Variants in GIPC2 observed in about 807,000 individuals in gnomAD.
The protein encoded by GIPC2 is PDZ domain-containing protein GIPC2.
Under a neutral mutation model 30.6 loss-of-function variants are expected in GIPC2, and 30 were observed. The observed-to-expected ratio is 0.98, with a 90% confidence interval of 0.73 to 1.33. The LOEUF is 1.33. GIPC2 is among the 40% of genes most tolerant of loss of function. GIPC2 has a pLI of 0.00. For synonymous variants in GIPC2, 167 were observed against 150.0 expected (o/e 1.11, Z -0.83); for missense variants, 414 against 390.3 (o/e 1.06, Z -0.51).
intron 3 of GIPC2, among the ~76,000 whole-genome samples, chr1:78,103,723 G>A (rs550061611): frequency 1.3e-5 from 2 of 152,212 alleles, no homozygotes; most frequent in Non-Finnish European, 2.9e-5. Flanking sequence ...AAAGAGTGAA[G>A]TTTATCTGAG....
intron 3 of GIPC2, among the ~76,000 whole-genome samples, chr1:78,115,159 GA>G (rs1388775672): frequency 1.3e-5 from 2 of 151,822 alleles, no homozygotes; most frequent in Admixed American, 6.6e-5. Flanking sequence ...GTAAGTCCCA[GA>G]AACCTTTTTA....
rs912153469 is a variant in GIPC2, at chr1:78,088,564, C to T, written c.427-6388C>T. ...GAGCTAAATGATGAGAACTTATGAA[C>T]ACAAAGGAGGAAACAACAGACACTG... On this transcript the variant is annotated intron_variant, in intron 2 of 5. Coordinates refer to ENST00000370759, the MANE Select transcript of GIPC2 (RefSeq NM_017655.6). 5.3e-5 allele frequency among the ~76,000 whole-genome samples: 8 copies of T among 152,210 alleles called. No individual in the cohort carries two copies. The South Asian group carries it at 6.2e-4, about 12-fold the overall frequency.
At chr1:78,130,896 G>T in intron 5 of GIPC2, among the ~76,000 whole-genome samples, 1 of 152,142 alleles carries the variant, frequency 6.6e-6, no homozygotes, top group East Asian at 1.9e-4. Flanking sequence ...ACCAAAACAA[G>T]TTTGTCATTA....
intron 1 of GIPC2, among the ~76,000 whole-genome samples, chr1:78,068,413 C>G (rs1661560304): frequency 6.6e-6 from 1 of 152,226 alleles, no homozygotes; most frequent in South Asian, 2.1e-4. Flanking sequence ...AGAACTCTAC[C>G]ACTGCCTTTC....
chr1:78,114,809 G>C (rs2100418755), intron 3 of GIPC2, among the ~76,000 whole-genome samples: 1 of 152,288 alleles, frequency 6.6e-6, no homozygotes, highest in East Asian at 1.9e-4. Flanking sequence ...GGGTGATTAT[G>C]ATGTGTCAAT....
intron 3 of GIPC2, among the ~76,000 whole-genome samples, chr1:78,113,660 A>C: frequency 6.6e-6 from 1 of 152,176 alleles, no homozygotes; most frequent in East Asian, 1.9e-4. Flanking sequence ...AAACGCTGGG[A>C]TTAGAGGCGT....
chr1:78,134,803 G>T (rs1662970219), intron 5 of GIPC2, among the ~76,000 whole-genome samples: 1 of 152,114 alleles, frequency 6.6e-6, no homozygotes, highest in Non-Finnish European at 1.5e-5. Flanking sequence ...TCACATGGAG[G>T]TTTTTCACCC....
chr1:78,114,636 A>AT (rs1285159314), intron 3 of GIPC2, among the ~76,000 whole-genome samples: 8 of 151,742 alleles, frequency 5.3e-5, no homozygotes, highest in Admixed American at 1.3e-4. Context: ...ATACATAATG[A>AT]TAAAAAAAAA....
At chr1:78,054,838 T>C (rs957953640) in intron 1 of GIPC2, among the ~76,000 whole-genome samples, 4 of 152,080 alleles carry the variant, frequency 2.6e-5, no homozygotes, top group Non-Finnish European at 4.4e-5. Flanking sequence ...GAAGAAGATA[T>C]CTGAACAACC....
chr1:78,091,615 G>A, intron 2 of GIPC2: 1 of 768,138 alleles, frequency 1.3e-6, no homozygotes, highest in Non-Finnish European at 2.4e-6. Context: ...CGTTCGTCGT[G>A]TCTGCCATCC....
In GIPC2 at chr1:78,136,578, A is replaced by T. The variant is rs1455646928; in HGVS notation, c.*835A>T. 1.5e-5 allele frequency: 2 copies of T among 132,000 alleles called. No homozygotes were observed. Among genetic ancestry groups the T allele is most frequent in the Non-Finnish European group, 3.3e-5 (2 of 61,372 alleles). 8.2% of individuals were successfully genotyped at this position (132,000 alleles called of 1,614,324 possible). A position where few individuals can be genotyped will look rare whatever the true frequency, so the allele number is the denominator to read the frequency against. On this transcript the variant is annotated 3_prime_UTR_variant, in exon 6 of 6. Coordinates refer to ENST00000370759, the MANE Select transcript of GIPC2 (RefSeq NM_017655.6). ...ATTTTTTTGTAGAGTTTTTGGAAAGATATTTACTCAAAATAACTATGCTTT... is the reference window on the plus strand; with the variant it reads ...ATTTTTTTGTAGAGTTTTTGGAAAGTTATTTACTCAAAATAACTATGCTTT...
intron 2 of GIPC2, among the ~76,000 whole-genome samples, chr1:78,092,346 G>A (rs1372313953): frequency 6.6e-6 from 1 of 152,176 alleles, no homozygotes; most frequent in African/African-American, 2.4e-5. Flanking sequence ...AAACCTCTAT[G>A]TTTAATAATG....
chr1:78,052,040 C>T (rs545731041), intron 1 of GIPC2, among the ~76,000 whole-genome samples: 1 of 152,178 alleles, frequency 6.6e-6, no homozygotes, highest in Non-Finnish European at 1.5e-5. Flanking sequence ...GGGCTACGGG[C>T]TCTGTTACCT....
intron 5 of GIPC2, among the ~76,000 whole-genome samples, chr1:78,129,243 A>G (rs571704745): frequency 6.6e-6 from 1 of 152,296 alleles, no homozygotes; most frequent in South Asian, 2.1e-4. Flanking sequence ...AAGGAAAGTA[A>G]TTATTTGAAG....
chr1:78,077,525 A>G (rs1258700001), intron 1 of GIPC2, among the ~76,000 whole-genome samples: 1 of 152,224 alleles, frequency 6.6e-6, no homozygotes, highest in Non-Finnish European at 1.5e-5. Flanking sequence ...TCATTGTACA[A>G]TGAAAAACAT....
intron 3 of GIPC2, among the ~76,000 whole-genome samples, chr1:78,097,034 T>C (rs1276515887): frequency 6.6e-6 from 1 of 152,114 alleles, no homozygotes; most frequent in Non-Finnish European, 1.5e-5. Context: ...TTCTGCTTAT[T>C]GTTTTGCCTC....
intron 3 of GIPC2, among the ~76,000 whole-genome samples, chr1:78,116,281 G>A (rs1414083669): frequency 6.6e-6 from 1 of 152,128 alleles, no homozygotes; most frequent in Non-Finnish European, 1.5e-5. Context: ...CTCCACATGT[G>A]GGGATTATGG....
intron 2 of GIPC2, among the ~76,000 whole-genome samples, chr1:78,088,106 T>C (rs1042243907): frequency 6.6e-6 from 1 of 152,052 alleles, no homozygotes; most frequent in Non-Finnish European, 1.5e-5. Flanking sequence ...AAAAAATAAG[T>C]TGCTGGTGAG....
intron 5 of GIPC2, among the ~76,000 whole-genome samples, chr1:78,134,848 G>C (rs1662970899): frequency 1.3e-5 from 2 of 152,068 alleles, no homozygotes; most frequent in Non-Finnish European, 2.9e-5. Context: ...TCTCTTTCTG[G>C]TTGCTGGTGC....
Sources: gnomAD v4.1 joint callset for allele counts (sites outside exome capture counted in the v4.1 genomes callset) on GRCh38, gnomAD v4.1.1 for gene constraint, MANE v1.5 for transcripts, NCBI Gene and HGNC (gene_info 2026-07-23, HGNC 2026-07-21) for gene names.